SERINC2: variants seen among roughly 807,000 people sequenced by gnomAD.
SERINC2 encodes the protein serine incorporator 2.
In SERINC2, 56 loss-of-function variants were observed where a neutral mutation model predicts 54.2. The ratio of observed to expected loss-of-function variants is 1.03; its 90% CI spans 0.83 to 1.29. The LOEUF is 1.29. SERINC2 is among the 50% of genes most tolerant of loss of function. SERINC2 has a pLI of 0.00. For synonymous variants in SERINC2, 272 were observed against 253.1 expected (o/e 1.07, Z -0.71); for missense variants, 614 against 607.4 (o/e 1.01, Z -0.12).
Position 31,423,833 on chromosome 1 carries a change from C to T in SERINC2, c.180C>T (p.Gly60=), listed in dbSNP as rs146127705. Residue 60 remains glycine, a synonymous_variant, in exon 2 of 10, where the codon GGC becomes GGT. Coordinates refer to ENST00000373709, the MANE Select transcript of SERINC2 (RefSeq NM_178865.5). ...VLVSIIMLSP[G]VESQLYKLPW... is the part of the protein sequence containing the mutation. ...TGTCCATCATTATGCTGAGCCCGGG[C>T]GTGGAGAGTCAGCTCTACAAGGTGA... 9.9e-6 allele frequency: 16 copies of T among 1,613,770 alleles called. No homozygotes were observed. Among genetic ancestry groups the T allele is most frequent in the Middle Eastern group, 1.6e-4 (1 of 6,084 alleles).
At chr1:31,433,575 G>T (rs910154207) in intron 9 of SERINC2, among the ~76,000 whole-genome samples, 2 of 152,112 alleles carry the variant, frequency 1.3e-5, no homozygotes, top group Admixed American at 1.3e-4. Flanking sequence ...TCTGGGGCTG[G>T]GATTGTGGTC....
At chr1:31,427,200 AG>A (rs1553133779) in intron 6 of SERINC2, among the ~76,000 whole-genome samples, 1 of 152,200 alleles carries the variant, frequency 6.6e-6, no homozygotes, top group African/African-American at 2.4e-5. Flanking sequence ...GTAGAACATT[AG>A]GGGCAGTCCC....
Position 31,426,691 on chromosome 1 carries a change from G to C in SERINC2, c.648G>C (p.Ser216=), listed in dbSNP as rs200968269. Residue 216 remains serine (S), a synonymous_variant, in exon 6 of 10, where the codon TCG becomes TCC. Coordinates refer to ENST00000373709, the MANE Select transcript of SERINC2 (RefSeq NM_178865.5). ...FFFTLLFYLL[S]IAAVALMFMY... ...TCACTCTCCTCTTCTACTTGCTGTCGATCGCGGCCGTGGCGCTGATGTTCA... is the reference window on the plus strand; with the variant it reads ...TCACTCTCCTCTTCTACTTGCTGTCCATCGCGGCCGTGGCGCTGATGTTCA... 58 of 1,612,992 alleles carry C rather than the reference G, an allele frequency of 3.6e-5. No individual in the cohort carries two copies. The highest frequency in any genetic ancestry group is 3.3e-5 in the South Asian group (3 of 91,046).
rs1463133862 is a variant in SERINC2, at chr1:31,413,251, C to T, written c.-15C>T. 3.3e-6 allele frequency: 4 copies of T among 1,198,766 alleles called. No homozygotes were observed. Among genetic ancestry groups the T allele is most frequent in the Non-Finnish European group, 4.1e-6 (4 of 967,746 alleles). 74.3% of individuals were successfully genotyped at this position (1,198,766 alleles called of 1,614,324 possible). ...CGCGCCCGGCGCCGGGCGCCCGAAG[C>T]CGGGAGCCGCCGCCATGGGGGCCTG... On this transcript the variant is annotated 5_prime_UTR_variant, in exon 1 of 10. Coordinates refer to ENST00000373709, the MANE Select transcript of SERINC2 (RefSeq NM_178865.5). This position sits in a 1 kb window ranked among gnomAD's most constrained non-coding sequence, Gnocchi z 5.0.
At chr1:31,431,609 C>G (rs1025954384) in intron 8 of SERINC2, among the ~76,000 whole-genome samples, 34 of 152,246 alleles carry the variant, frequency 2.2e-4, no homozygotes, top group African/African-American at 8.0e-4. Flanking sequence ...GGCACATGCA[C>G]TGCTGAGAGC....
At chr1:31,415,960 A>AC in intron 1 of SERINC2, 1 of 969,930 alleles carries the variant, frequency 1.0e-6, no homozygotes, top group Non-Finnish European at 1.2e-6. Flanking sequence ...GGATGGGGCC[A>AC]CCAGGCAAGC....
chr1:31,412,921 C>T (rs1012343102), upstream of SERINC2, among the ~76,000 whole-genome samples: 1 of 152,214 alleles, frequency 6.6e-6, no homozygotes, highest in Non-Finnish European at 1.5e-5. Context: ...CTTCTGTTCC[C>T]AAGGGTGACA....
In SERINC2 at chr1:31,425,941, G is replaced by C. The variant is rs188809992; in HGVS notation, c.610+28G>C. 222 of 1,600,528 alleles carry C rather than the reference G, an allele frequency of 1.4e-4. No homozygotes were observed. In the African/African-American group the frequency reaches 2.4e-3, roughly 18 times the overall value. ...CAGTGCTGCCACCCTGCCTCCGTGTGGGGACTCGAGCCTGGGCAGGGCTGG... is the reference window on the plus strand; with the variant it reads ...CAGTGCTGCCACCCTGCCTCCGTGTCGGGACTCGAGCCTGGGCAGGGCTGG... On this transcript the variant is annotated intron_variant, in intron 5 of 9. Coordinates refer to ENST00000373709, the MANE Select transcript of SERINC2 (RefSeq NM_178865.5).
chr1:31,433,604 G>A (rs1211884327), intron 9 of SERINC2, among the ~76,000 whole-genome samples: 1 of 152,152 alleles, frequency 6.6e-6, no homozygotes, highest in Non-Finnish European at 1.5e-5. Context: ...TCACAAATTT[G>A]GTCATTTGGT....
intron 1 of SERINC2, among the ~76,000 whole-genome samples, chr1:31,418,576 A>G (rs1478249780): frequency 1.3e-5 from 2 of 152,096 alleles, no homozygotes; most frequent in African/African-American, 4.8e-5. Flanking sequence ...GGGTTTCACC[A>G]TGTTGGCAGG....
Position 31,434,327 on chromosome 1 carries a change from ACCTGCC to A in SERINC2, c.*133_*138del. On this transcript the variant is annotated 3_prime_UTR_variant, in exon 10 of 10. Coordinates refer to ENST00000373709, the MANE Select transcript of SERINC2 (RefSeq NM_178865.5). Reference sequence around the variant, plus strand: ...CCCCCACCCCTGCCCCAGCTCCAGGACCTGCCCCTGAGCCGGGCCTTCTAGTCGTAG... The same window carrying A: ...CCCCCACCCCTGCCCCAGCTCCAGGACCTGAGCCGGGCCTTCTAGTCGTAG... 2 of 983,298 alleles carry A rather than the reference ACCTGCC, an allele frequency of 2.0e-6. No individual in the cohort carries two copies. Among genetic ancestry groups the A allele is most frequent in the South Asian group, 3.1e-5 (2 of 65,236 alleles). The allele number at this position is 983,298 out of a possible 1,614,324, so 60.9% of individuals were successfully genotyped here.
At chr1:31,414,608 T>TGTGTGC in intron 1 of SERINC2, 1 of 985,824 alleles carries the variant, frequency 1.0e-6, no homozygotes, top group Non-Finnish European at 1.2e-6. Context: ...TTCGTGTGTG[T>TGTGTGC]GTGTGCGTGT....
rs116620807 is a variant in SERINC2 at position 31,415,586 on chromosome 1, C to T, written c.39+2282C>T. On this transcript the variant is annotated intron_variant, in intron 1 of 9. Coordinates refer to ENST00000373709, the MANE Select transcript of SERINC2 (RefSeq NM_178865.5). ...TATATATCTCCTTCCATTTAATCCTCACAAAGACCCCACTGGGGCAGTTAA... is the reference window on the plus strand; with the variant it reads ...TATATATCTCCTTCCATTTAATCCTTACAAAGACCCCACTGGGGCAGTTAA... Among the ~76,000 whole-genome samples the T allele has an allele frequency of 9.1e-3, 1,382 of 152,334 alleles. 18 individuals are homozygous for T. The highest frequency in any genetic ancestry group is 0.032 in the African/African-American group (1,314 of 41,568).
intron 8 of SERINC2, among the ~76,000 whole-genome samples, chr1:31,432,035 TGGAC>T (rs1641265577): frequency 7.7e-6 from 1 of 129,964 alleles, no homozygotes; most frequent in East Asian, 2.5e-4. Flanking sequence ...GTGGACAGGG[TGGAC>T]AGGGTGGACA....
rs1641416301 is a variant in SERINC2, at chr1:31,434,431, G to A, written c.*232G>A. ...CCCGCCACACCCACACGGTGGAGCT[G>A]CCTCTTCCTTCCCCTCCTCCCTGTT... On this transcript the variant is annotated 3_prime_UTR_variant, in exon 10 of 10. Coordinates refer to ENST00000373709, the MANE Select transcript of SERINC2 (RefSeq NM_178865.5). 1.2e-5 allele frequency: 7 copies of A among 561,230 alleles called. 1 individual carries two copies. Among genetic ancestry groups the A allele is most frequent in the South Asian group, 6.8e-5 (3 of 44,068 alleles). The allele number at this position is 561,230 out of a possible 1,614,324, so 34.8% of individuals were successfully genotyped here. A position where few individuals can be genotyped will look rare whatever the true frequency, so the allele number is the denominator to read the frequency against.
upstream of SERINC2, chr1:31,410,327 A>C (rs114060678): frequency 1.3e-6 from 2 of 1,545,776 alleles, no homozygotes; most frequent in African/African-American, 1.4e-5. Flanking sequence ...TCCTCACTTC[A>C]TCTCCTCAGT....
chr1:31,434,214 C>G lies in SERINC2; in HGVS notation c.*15C>G, dbSNP rs782098285. ...ACTTCAGCTGAGGCAGCCTCACAGC[C>G]TGCCATCTGGTGCCTCCTGCCACCT... On this transcript the variant is annotated 3_prime_UTR_variant, in exon 10 of 10. Coordinates refer to ENST00000373709, the MANE Select transcript of SERINC2 (RefSeq NM_178865.5). 6.2e-7 allele frequency: 1 copy of G among 1,609,244 alleles called. No homozygotes were observed. Among genetic ancestry groups the G allele is most frequent in the East Asian group, 2.2e-5 (1 of 44,876 alleles).
At chr1:31,432,231 G>GGTGGATA (rs1641318155) in intron 8 of SERINC2, among the ~76,000 whole-genome samples, 2 of 151,146 alleles carry the variant, frequency 1.3e-5, no homozygotes, top group Admixed American at 6.6e-5. Context: ...GGGTGGATAG[G>GGTGGATA]GACCCACTGA....
chr1:31,434,610 A>G lies in SERINC2; in HGVS notation c.*411A>G, dbSNP rs4233. 78,048 of 207,242 alleles carry G rather than the reference A, an allele frequency of 0.38. 17,710 individuals are homozygous for G. The highest frequency in any genetic ancestry group is 0.68 in the African/African-American group (29,611 of 43,816). 12.8% of individuals were successfully genotyped at this position (207,242 alleles called of 1,614,324 possible). A position where few individuals can be genotyped will look rare whatever the true frequency, so the allele number is the denominator to read the frequency against. ...TCACGTCCCCCAGGGGACCCTGCCC[A>G]CTTCCTGGACTTCGTGCCTTACTGA... On this transcript the variant is annotated 3_prime_UTR_variant, in exon 10 of 10. Coordinates refer to ENST00000373709, the MANE Select transcript of SERINC2 (RefSeq NM_178865.5).
Sources: allele counts gnomAD v4.1 joint callset (sites outside exome capture counted in the v4.1 genomes callset), GRCh38; gene constraint gnomAD v4.1.1; non-coding constraint Gnocchi (gnomAD v3.1); transcripts MANE v1.5; gene names NCBI Gene and HGNC (gene_info 2026-07-23, HGNC 2026-07-21).